The following HMCN1 variants were observed in gnomAD, a reference collection of about 807,000 sequenced individuals.
The protein encoded by HMCN1 is hemicentin 1, also known as hemicentin-1.
Under a neutral mutation model 625.9 loss-of-function variants are expected in HMCN1, and 321 were observed. That is an observed-to-expected ratio of 0.51 (90% CI 0.47 to 0.56). The LOEUF is 0.56. Ranked by LOEUF, HMCN1 falls within the 20% of genes least tolerant of loss-of-function variation. HMCN1 has a pLI of 0.00. For synonymous variants in HMCN1, 2,425 were observed against 2,417.6 expected, an observed-to-expected ratio of 1.00 and a Z score of -0.09; for missense variants, 6,588 against 6,887.3, an observed-to-expected ratio of 0.96 and a Z score of 1.54.
At chr1:185,814,049 C>T (rs1040477961) in intron 1 of HMCN1, among the ~76,000 whole-genome samples, 1 of 152,098 alleles carries the variant, frequency 6.6e-6, no homozygotes, top group African/African-American at 2.4e-5. Context: ...CTTAGTATTG[C>T]ATATTTCCTC....
At chr1:186,025,625 A>G (rs1571736093) in intron 36 of HMCN1, among the ~76,000 whole-genome samples, 1 of 152,190 alleles carries the variant, frequency 6.6e-6, no homozygotes, top group Non-Finnish European at 1.5e-5. Context: ...AACAGAAGAG[A>G]AAAAGCATAA....
intron 15 of HMCN1, among the ~76,000 whole-genome samples, chr1:185,973,896 C>A (rs1651012299): frequency 6.6e-6 from 1 of 151,852 alleles, no homozygotes; most frequent in Non-Finnish European, 1.5e-5. Context: ...TTTGGTGGAA[C>A]CAAAACAATG....
At chr1:186,161,508 C>T (rs971159362) in intron 97 of HMCN1, among the ~76,000 whole-genome samples, 1 of 151,806 alleles carries the variant, frequency 6.6e-6, no homozygotes, top group African/African-American at 2.4e-5. Context: ...GCAGTTTCTT[C>T]CTAGTCTTGA....
intron 1 of HMCN1, among the ~76,000 whole-genome samples, chr1:185,807,923 G>C (rs1331847401): frequency 6.6e-6 from 1 of 152,066 alleles, no homozygotes; most frequent in Non-Finnish European, 1.5e-5. Context: ...AATATTTAAG[G>C]TATGGAACTT....
chr1:186,005,688 G>A (rs1213087657), intron 29 of HMCN1, among the ~76,000 whole-genome samples: 1 of 152,080 alleles, frequency 6.6e-6, no homozygotes, highest in Non-Finnish European at 1.5e-5. Context: ...CTGGAAAGCA[G>A]ACTCACATTA....
At chr1:185,882,154 T>C (rs1664347817) in intron 4 of HMCN1, among the ~76,000 whole-genome samples, 1 of 152,206 alleles carries the variant, frequency 6.6e-6, no homozygotes, top group Admixed American at 6.5e-5. Flanking sequence ...GATTAGTATA[T>C]AAGAGTTATT....
intron 79 of HMCN1, 31 bp from the exon 80 acceptor site, chr1:186,119,980 T>C (rs2383434): frequency 0.36 from 583,898 of 1,611,742 alleles, 110,638 homozygotes; most frequent in Admixed American, 0.55. Flanking sequence ...CTTTTTTTTT[T>C]CCCCACTCTG....
intron 11 of HMCN1, among the ~76,000 whole-genome samples, chr1:185,952,787 G>A (rs1198588837): frequency 6.6e-6 from 1 of 151,694 alleles, no homozygotes; most frequent in Non-Finnish European, 1.5e-5. Flanking sequence ...CCATAGTGAA[G>A]GAGGCAAGCC....
intron 92 of HMCN1, 88 bp from the exon 93 acceptor site, chr1:186,145,665 A>G: frequency 6.2e-7 from 1 of 1,611,228 alleles, no homozygotes; most frequent in Non-Finnish European, 8.5e-7. Context: ...TTAAAATGAA[A>G]GTTGTATAGG....
At chr1:185,928,761 T>C in intron 10 of HMCN1, 94 bp downstream of exon 10, 2 of 1,334,516 alleles carry the variant, frequency 1.5e-6, no homozygotes, top group Middle Eastern at 1.9e-4. Context: ...TACAATTGTC[T>C]TTGCGATTAT....
At position 186,125,640 on chromosome 1, in the gene HMCN1, C is replaced by G; in HGVS notation, c.12536C>G (p.Thr4179Arg). 1.2e-6 allele frequency: 2 copies of G among 1,613,178 alleles called. No homozygotes were observed. Among genetic ancestry groups the G allele is most frequent in the Non-Finnish European group, 1.7e-6 (2 of 1,179,310 alleles). Residue 4179 changes from threonine to arginine, a missense_variant, in exon 82 of 107, where the codon ACG (threonine) becomes AGG (arginine). Physicochemically the swap from Thr to Arg is moderately conservative, Grantham distance 71. This residue lies in a region of HMCN1 where 1,954 missense variants were observed against 2,013.1 expected (regional missense o/e 0.97). Coordinates refer to ENST00000271588, the MANE Select transcript of HMCN1 (RefSeq NM_031935.3). ...ATCAGAAGTACAGAAGGACACTACACGGTCAATGAGAATTCACAAGCCATT... is the reference window on the plus strand; with the variant it reads ...ATCAGAAGTACAGAAGGACACTACAGGGTCAATGAGAATTCACAAGCCATT... The part of the protein sequence containing the change: ...PRIRSTEGHY[T>R]VNENSQAILP...
chr1:185,967,475 T>C (rs941702402), intron 14 of HMCN1, among the ~76,000 whole-genome samples: 8 of 152,122 alleles, frequency 5.3e-5, no homozygotes, highest in African/African-American at 1.9e-4. Context: ...CCAACAGAGA[T>C]AGAATATGGG....
intron 15 of HMCN1, among the ~76,000 whole-genome samples, chr1:185,973,033 A>G (rs931826378): frequency 1.3e-5 from 2 of 152,176 alleles, no homozygotes; most frequent in African/African-American, 4.8e-5. Flanking sequence ...AACTTTCCCC[A>G]GAACTTATGT....
Position 185,854,753 on chromosome 1 carries a change from C to T in HMCN1, c.339+8657C>T, listed in dbSNP as rs531724492. Reference sequence around the variant, plus strand: ...ACTACTAAAAACAATGTAAAATTTGCGTACCTCAAACTTTCTTATAATGTG... The same window carrying T: ...ACTACTAAAAACAATGTAAAATTTGTGTACCTCAAACTTTCTTATAATGTG... On this transcript the variant is annotated intron_variant, in intron 2 of 106. Transcript: ENST00000271588. Among the ~76,000 whole-genome samples the T allele has an allele frequency of 5.9e-5, 9 of 152,080 alleles. No individual in the cohort carries two copies. In the East Asian group the frequency reaches 7.7e-4, roughly 13 times the overall value.
chr1:185,864,674 T>TA (rs1209576509), intron 3 of HMCN1, 46 bp downstream of exon 3: 1 of 1,574,106 alleles, frequency 6.4e-7, no homozygotes, highest in Non-Finnish European at 8.7e-7. Flanking sequence ...ATGCAGTATG[T>TA]AAGAGATTGC....
In HMCN1 at chr1:186,045,772, T is replaced by C. The variant is rs1199807533; in HGVS notation, c.6389T>C (p.Ile2130Thr). 6.2e-7 allele frequency: 1 copy of C among 1,612,344 alleles called. No homozygotes were observed. Among genetic ancestry groups the C allele is most frequent in the Admixed American group, 1.7e-5 (1 of 59,990 alleles). The part of the protein sequence containing the change: ...AVELLCQSDA[I>T]PPPTLTWLKD... ...GAATTACTATGTCAAAGTGATGCTA[T>C]TCCCCCACCTACTCTTACTTGGTTA... The change falls in exon 41 of 107, where the codon ATT (isoleucine) becomes ACT (threonine). Residue 2130 changes from isoleucine (I) to threonine (T), a missense_variant. By Grantham distance (89) the Ile-to-Thr change is moderately conservative (BLOSUM62 -1). Coordinates refer to ENST00000271588, the MANE Select transcript of HMCN1 (RefSeq NM_031935.3).
At chr1:185,847,765 C>T (rs764299589) in intron 2 of HMCN1, among the ~76,000 whole-genome samples, 17 of 151,830 alleles carry the variant, frequency 1.1e-4, no homozygotes, top group Non-Finnish European at 1.6e-4. Context: ...CCAGCCTGGG[C>T]GCATAGTGAG....
intron 57 of HMCN1, among the ~76,000 whole-genome samples, chr1:186,083,850 A>G (rs1007099260): frequency 1.3e-5 from 2 of 152,176 alleles, no homozygotes; most frequent in African/African-American, 4.8e-5. Context: ...ACAGTGAGTA[A>G]CACACTGTAG....
intron 1 of HMCN1, among the ~76,000 whole-genome samples, chr1:185,772,098 A>G (rs890171146): frequency 6.6e-6 from 1 of 152,192 alleles, no homozygotes; most frequent in Non-Finnish European, 1.5e-5. Flanking sequence ...TATTTGAGGA[A>G]CAACAAGTAA....
Sources: allele counts gnomAD v4.1 joint callset (sites outside exome capture counted in the v4.1 genomes callset), GRCh38; gene constraint gnomAD v4.1.1; regional missense constraint gnomAD v4.1.1; transcripts MANE v1.5; gene names NCBI Gene and HGNC (gene_info 2026-07-23, HGNC 2026-07-21).